The following RIT2 variants were observed in gnomAD, a reference collection of about 807,000 sequenced individuals.
RIT2 encodes the protein Ras like without CAAX 2.
Under a neutral mutation model 23.7 loss-of-function variants are expected in RIT2, and 24 were observed. The ratio of observed to expected loss-of-function variants is 1.01; its 90% CI spans 0.73 to 1.43. The LOEUF is 1.43. Ranked by LOEUF, RIT2 falls within the 40% of genes most tolerant of loss-of-function variation. The probability of loss-of-function intolerance (pLI) is 0.00; values close to 1 mark genes in which losing one functional copy is unlikely to be tolerated. For synonymous variants in RIT2, 107 were observed against 91.1 expected, an observed-to-expected ratio of 1.17 and a Z score of -0.99; for missense variants, 236 against 266.9, an observed-to-expected ratio of 0.88 and a Z score of 0.81.
chr18:43,046,129 A>G (rs1042998434), intron 1 of RIT2, among the ~76,000 whole-genome samples: 2 of 152,168 alleles, frequency 1.3e-5, no homozygotes, highest in Non-Finnish European at 2.9e-5. Flanking sequence ...AAACCCAGAA[A>G]GATAAAATGT....
intron 4 of RIT2, among the ~76,000 whole-genome samples, chr18:42,770,076 C>T (rs1567991997): frequency 6.6e-6 from 1 of 151,862 alleles, no homozygotes; most frequent in Non-Finnish European, 1.5e-5. Flanking sequence ...TATGGCTGTC[C>T]ACCCAGAGAC....
At chr18:43,059,575 T>G (rs570039618) in intron 1 of RIT2, among the ~76,000 whole-genome samples, 116 of 152,232 alleles carry the variant, frequency 7.6e-4, no homozygotes, top group African/African-American at 2.7e-3. Flanking sequence ...ATTAATTCAA[T>G]TTTTCATCTT....
At chr18:42,969,934 T>C (rs1910323666) in intron 3 of RIT2, among the ~76,000 whole-genome samples, 1 of 152,054 alleles carries the variant, frequency 6.6e-6, no homozygotes. Context: ...TTAGAGTATC[T>C]TCACTTCCCC....
At chr18:42,831,963 T>C (rs1341476507) in intron 4 of RIT2, among the ~76,000 whole-genome samples, 1 of 152,206 alleles carries the variant, frequency 6.6e-6, no homozygotes, top group Non-Finnish European at 1.5e-5. Context: ...TCAAACTTGA[T>C]ATCCACTCAA....
At chr18:43,091,934 G>A (rs1913432100) in intron 1 of RIT2, among the ~76,000 whole-genome samples, 1 of 151,984 alleles carries the variant, frequency 6.6e-6, no homozygotes, top group South Asian at 2.1e-4. Flanking sequence ...ACATATCTAA[G>A]TAAAATGATT....
At chr18:42,969,142 T>C (rs115219253) in intron 3 of RIT2, among the ~76,000 whole-genome samples, 1 of 152,228 alleles carries the variant, frequency 6.6e-6, no homozygotes, top group African/African-American at 2.4e-5. Context: ...TTCTAGAATA[T>C]AATTAGTGAG....
chr18:42,878,567 G>C (rs1183293351), intron 4 of RIT2, among the ~76,000 whole-genome samples: 3 of 31,300 alleles, frequency 9.6e-5, no homozygotes, highest in African/African-American at 7.2e-4. Context: ...ATTCAACTCT[G>C]TGTGTGTGTG....
intron 4 of RIT2, among the ~76,000 whole-genome samples, chr18:42,784,980 CTA>C (rs1230172555): frequency 6.6e-6 from 1 of 152,026 alleles, no homozygotes; most frequent in East Asian, 1.9e-4. Flanking sequence ...TACTTTCCAA[CTA>C]TGAGTCACAT....
At chr18:43,054,728 G>A (rs905016180) in intron 1 of RIT2, among the ~76,000 whole-genome samples, 1 of 151,902 alleles carries the variant, frequency 6.6e-6, no homozygotes, top group Non-Finnish European at 1.5e-5. Context: ...AGAAAATAAG[G>A]TGATTCGCCA....
chr18:42,844,898 C>T (rs906621109), intron 4 of RIT2, among the ~76,000 whole-genome samples: 6 of 152,034 alleles, frequency 3.9e-5, no homozygotes, highest in Non-Finnish European at 7.4e-5. Context: ...AGATACATAA[C>T]AGGTATTCAA....
intron 4 of RIT2, among the ~76,000 whole-genome samples, chr18:42,788,664 T>C (rs1358058779): frequency 3.3e-5 from 5 of 152,208 alleles, no homozygotes; most frequent in African/African-American, 4.8e-5. Context: ...ATGTAGTAGA[T>C]GTAAATTTCC....
intron 4 of RIT2, among the ~76,000 whole-genome samples, chr18:42,785,268 A>G (rs1913897220): frequency 6.6e-6 from 1 of 152,076 alleles, no homozygotes; most frequent in African/African-American, 2.4e-5. Flanking sequence ...GCATAATGAA[A>G]TAGTTGGCAT....
At chr18:42,946,032 C>A (rs115256347) in intron 3 of RIT2, among the ~76,000 whole-genome samples, 1 of 152,036 alleles carries the variant, frequency 6.6e-6, no homozygotes, top group Non-Finnish European at 1.5e-5. Context: ...ATTTTAAACG[C>A]TGTGAATACT....
intron 4 of RIT2, among the ~76,000 whole-genome samples, chr18:42,852,280 G>A (rs1296969867): frequency 6.6e-6 from 1 of 152,128 alleles, no homozygotes; most frequent in Non-Finnish European, 1.5e-5. Context: ...TAAAATCTAT[G>A]ATTACAGCTT....
chr18:42,916,908 C>A (rs143589313), intron 4 of RIT2, among the ~76,000 whole-genome samples: 48 of 152,218 alleles, frequency 3.2e-4, no homozygotes, highest in African/African-American at 1.2e-3. Flanking sequence ...AGAAGTTGAA[C>A]GTTAATGCAA....
At chr18:42,900,613 T>C (rs1435835045) in intron 4 of RIT2, among the ~76,000 whole-genome samples, 1 of 152,048 alleles carries the variant, frequency 6.6e-6, no homozygotes, top group Non-Finnish European at 1.5e-5. Flanking sequence ...GACTCTGTCT[T>C]CTAATACAGG....
chr18:42,747,693 T>C (rs112690861), intron 4 of RIT2, among the ~76,000 whole-genome samples: 5,954 of 151,914 alleles, frequency 0.039, 360 homozygotes, highest in African/African-American at 0.13. Context: ...TATAGGCATA[T>C]AGATAAATGG....
At chr18:43,094,781 A>T (rs560317708) in intron 1 of RIT2, among the ~76,000 whole-genome samples, 1 of 152,044 alleles carries the variant, frequency 6.6e-6, no homozygotes, top group African/African-American at 2.4e-5. Flanking sequence ...TCATTGTTCA[A>T]TTCCCACCTA....
intron 4 of RIT2, among the ~76,000 whole-genome samples, chr18:42,809,377 G>A (rs1371998056): frequency 3.3e-5 from 5 of 152,082 alleles, no homozygotes; most frequent in African/African-American, 1.2e-4. Context: ...GTGATGTGTA[G>A]TTTTGTTAAG....
Sources: gnomAD v4.1 joint callset for allele counts (sites outside exome capture counted in the v4.1 genomes callset) on GRCh38, gnomAD v4.1.1 for gene constraint, MANE v1.5 for transcripts, NCBI Gene and HGNC (gene_info 2026-07-23, HGNC 2026-07-21) for gene names.